PCGF5: variants seen among roughly 807,000 people sequenced by gnomAD.
The protein encoded by PCGF5 is polycomb group ring finger 5.
PCGF5 carries 9 observed loss-of-function variants against 44.3 expected under a neutral mutation model. That is an observed-to-expected ratio of 0.20 (90% CI 0.12 to 0.35). The LOEUF (loss-of-function observed/expected upper bound fraction) is 0.35, where lower values mean the gene tolerates loss of function less well. Ranked by LOEUF, PCGF5 falls within the 10% of genes least tolerant of loss-of-function variation. The pLI is 1.00. For synonymous variants in PCGF5, 95 were observed against 102.5 expected (o/e 0.93, Z 0.44); for missense variants, 146 against 305.3 (o/e 0.48, Z 3.89).
intron 3 of PCGF5, among the ~76,000 whole-genome samples, chr10:91,244,397 C>T (rs370015618): frequency 1.3e-5 from 2 of 151,978 alleles, no homozygotes; most frequent in East Asian, 1.9e-4. Context: ...GAGACCTGGG[C>T]GGCTGGGGAA....
At chr10:91,207,267 C>T (rs1222231247) in intron 1 of PCGF5, among the ~76,000 whole-genome samples, 1 of 152,106 alleles carries the variant, frequency 6.6e-6, no homozygotes, top group Non-Finnish European at 1.5e-5. Context: ...GTGAGATGAG[C>T]CATTTGTCAT....
At chr10:91,180,808 G>T (rs888094812) in intron 1 of PCGF5, among the ~76,000 whole-genome samples, 2 of 152,122 alleles carry the variant, frequency 1.3e-5, no homozygotes, top group African/African-American at 4.8e-5. Flanking sequence ...TGTTCTTTTT[G>T]CTTAGGATTG....
chr10:91,252,924 A>T (rs1469547417), intron 6 of PCGF5, among the ~76,000 whole-genome samples: 1 of 151,988 alleles, frequency 6.6e-6, no homozygotes, highest in Admixed American at 6.6e-5. Flanking sequence ...ACACTTTGCT[A>T]TTCTAGTTGA....
chr10:91,159,105 C>G (rs1428351598), upstream of PCGF5, among the ~76,000 whole-genome samples: 1 of 152,120 alleles, frequency 6.6e-6, no homozygotes, highest in East Asian at 1.9e-4. Flanking sequence ...ACTAGAGGAG[C>G]ACCATATCTT....
At position 91,261,623 on chromosome 10, in the gene PCGF5, A is replaced by G. The variant is rs530071537; in HGVS notation, c.573+199A>G. 6.6e-5 allele frequency among the ~76,000 whole-genome samples: 10 copies of G among 152,352 alleles called. No individual in the cohort carries two copies. The South Asian group carries it at 2.1e-3, about 32-fold the overall frequency. ...ACTCTAATTGAACATATCCTGAATA[A>G]ACTATGATACTAATACATTTAGTGT... On this transcript the variant is annotated intron_variant, in intron 7 of 9. Transcript: ENST00000336126.
At chr10:91,166,637 T>TC (rs1655145174) in intron 1 of PCGF5, among the ~76,000 whole-genome samples, 1 of 152,176 alleles carries the variant, frequency 6.6e-6, no homozygotes, top group Non-Finnish European at 1.5e-5. Flanking sequence ...AGTCAGGACA[T>TC]CTGATGGGTG....
At position 91,222,696 on chromosome 10, in the gene PCGF5, A is replaced by C. The variant is rs1589377092; in HGVS notation, c.-176A>C. On this transcript the variant is annotated 5_prime_UTR_variant, in exon 2 of 10. Coordinates refer to ENST00000336126, the MANE Select transcript of PCGF5 (RefSeq NM_032373.5). The stretch of plus-strand genomic sequence containing the variant: ...AAATGATTTTGGAAACAGACATGGG[A>C]AAGCGGAACCACCAAAAGGAGTGAT... 2.1e-5 allele frequency: 11 copies of C among 519,868 alleles called. No homozygotes were observed. The East Asian group carries it at 3.3e-4, about 16-fold the overall frequency. 32.2% of individuals were successfully genotyped at this position (519,868 alleles called of 1,614,324 possible).
At chr10:91,277,139 A>G (rs1450089859) in intron 9 of PCGF5, among the ~76,000 whole-genome samples, 1 of 152,194 alleles carries the variant, frequency 6.6e-6, no homozygotes, top group African/African-American at 2.4e-5. Context: ...GGGCATTTGT[A>G]TTCCTGCCCT....
At chr10:91,180,311 T>A (rs1457691881) in intron 1 of PCGF5, among the ~76,000 whole-genome samples, 1 of 152,224 alleles carries the variant, frequency 6.6e-6, no homozygotes, top group African/African-American at 2.4e-5. Context: ...TTTATTCTGC[T>A]GGTAGTTTCT....
chr10:91,171,321 T>C (rs572579345), intron 1 of PCGF5, among the ~76,000 whole-genome samples: 1 of 152,268 alleles, frequency 6.6e-6, no homozygotes, highest in South Asian at 2.1e-4. Context: ...TGGGTTGGTT[T>C]TTTTATATTG....
chr10:91,200,006 G>T (rs1844219751), intron 1 of PCGF5, among the ~76,000 whole-genome samples: 1 of 152,154 alleles, frequency 6.6e-6, no homozygotes, highest in Admixed American at 6.5e-5. Flanking sequence ...GGAACTCTAG[G>T]AACTAGTCTA....
Position 91,278,789 on chromosome 10 carries a change from G to A in PCGF5, c.*473G>A, listed in dbSNP as rs971246536. 1 of 153,850 alleles carries A rather than the reference G, an allele frequency of 6.5e-6. No individual in the cohort carries two copies. Among genetic ancestry groups the A allele is most frequent in the Non-Finnish European group, 1.5e-5 (1 of 68,870 alleles). 9.5% of individuals were successfully genotyped at this position (153,850 alleles called of 1,614,324 possible). Reference sequence around the variant, plus strand: ...TGTATGGAAGTATATTTAGAAAAGTGGTTTTTGAGCCACTGTCTTGTTCTT... The same window carrying A: ...TGTATGGAAGTATATTTAGAAAAGTAGTTTTTGAGCCACTGTCTTGTTCTT... On this transcript the variant is annotated 3_prime_UTR_variant, in exon 10 of 10. Coordinates refer to ENST00000336126, the MANE Select transcript of PCGF5 (RefSeq NM_032373.5).
At position 91,222,950 on chromosome 10, in the gene PCGF5, A is replaced by G. The variant is rs764060027; in HGVS notation, c.79A>G (p.Lys27Glu). ...CTATATCTGTAAAGGGTATCTGATC[A>G]AGCCAACAACAGTGACGGAATGCCT... ...TCYICKGYLI[K>E]PTTVTECLHT... Residue 27 changes from lysine (K) to glutamate (E), a missense_variant, in exon 2 of 10, where the codon AAG becomes GAG. Transcript: ENST00000336126. 6.2e-7 allele frequency: 1 copy of G among 1,611,214 alleles called. No individual in the cohort carries two copies. Among genetic ancestry groups the G allele is most frequent in the Non-Finnish European group, 8.5e-7 (1 of 1,177,294 alleles).
intron 1 of PCGF5, among the ~76,000 whole-genome samples, chr10:91,182,407 C>T (rs921529244): frequency 6.6e-6 from 1 of 151,916 alleles, no homozygotes; most frequent in Non-Finnish European, 1.5e-5. Context: ...TGGTAGTGCC[C>T]TCCTTATCAT....
At chr10:91,194,750 T>G (rs1181018917) in intron 1 of PCGF5, among the ~76,000 whole-genome samples, 1 of 151,968 alleles carries the variant, frequency 6.6e-6, no homozygotes, top group African/African-American at 2.4e-5. Flanking sequence ...TAAGTAGAGA[T>G]AGAGAAGAGA....
At chr10:91,276,233 A>G (rs974689568) in intron 9 of PCGF5, among the ~76,000 whole-genome samples, 4 of 151,616 alleles carry the variant, frequency 2.6e-5, no homozygotes, top group Non-Finnish European at 5.9e-5. Context: ...GTATTTTCCA[A>G]ATCTACACTA....
Position 91,240,512 on chromosome 10 carries a change from T to C in PCGF5, c.141T>C (p.Phe47=). 6.2e-7 allele frequency: 1 copy of C among 1,611,802 alleles called. No homozygotes were observed. Among genetic ancestry groups the C allele is most frequent in the African/African-American group, 1.3e-5 (1 of 74,988 alleles). ...TFCKTCIVQH[F]EDSNDCPRCG... ...GTAAGACTTGTATTGTTCAGCACTT[T>C]GAAGATAGCAATGATTGCCCAAGGT... The change falls in exon 3 of 10, where the codon TTT becomes TTC. Residue 47 remains phenylalanine (F), a synonymous_variant. Coordinates refer to ENST00000336126, the MANE Select transcript of PCGF5 (RefSeq NM_032373.5).
upstream of PCGF5, among the ~76,000 whole-genome samples, chr10:91,159,608 G>A (rs1210401608): frequency 6.6e-6 from 1 of 152,210 alleles, no homozygotes; most frequent in African/African-American, 2.4e-5. Context: ...AGAACTGTGA[G>A]AAATGAATGT....
At chr10:91,224,215 A>G (rs1009401031) in intron 2 of PCGF5, among the ~76,000 whole-genome samples, 2 of 152,178 alleles carry the variant, frequency 1.3e-5, no homozygotes, top group African/African-American at 4.8e-5. Context: ...GGGCATGCAT[A>G]TTTTGGAAGA....
Sources: allele counts gnomAD v4.1 joint callset (sites outside exome capture counted in the v4.1 genomes callset), GRCh38; gene constraint gnomAD v4.1.1; transcripts MANE v1.5; gene names NCBI Gene and HGNC (gene_info 2026-07-23, HGNC 2026-07-21).